Variants in PTPRD observed in about 807,000 individuals in gnomAD.
PTPRD encodes protein tyrosine phosphatase receptor type D, also known as receptor-type tyrosine-protein phosphatase delta.
Under a neutral mutation model 214.5 loss-of-function variants are expected in PTPRD, and 34 were observed. The observed-to-expected ratio is 0.16, with a 90% confidence interval of 0.12 to 0.21. The LOEUF (loss-of-function observed/expected upper bound fraction) is 0.21. Ranked by LOEUF, PTPRD falls within the 10% of genes least tolerant of loss-of-function variation. PTPRD has a pLI of 1.00. For synonymous variants in PTPRD, 1,128 were observed against 845.7 expected (o/e 1.33, Z -5.79); for missense variants, 2,545 against 2,398.7 (o/e 1.06, Z -1.27).
In PTPRD at chr9:8,359,122, ACAAAAAAAAAAAAAAAC is replaced by A. The variant is rs1229559422; in HGVS notation, c.4661+16797_4661+16813del. On this transcript the variant is annotated intron_variant, in intron 39 of 45. Coordinates refer to ENST00000381196, the MANE Select transcript of PTPRD (RefSeq NM_002839.4). ...GACTCCGTCTCAAAAAAAAAAAAAAACAAAAAAAAAAAAAAACAAAAAAAAATTGAATCAGATTTTAG... is the reference window on the plus strand; with the variant it reads ...GACTCCGTCTCAAAAAAAAAAAAAAAAAAAAAAAATTGAATCAGATTTTAG... Among the ~76,000 whole-genome samples the A allele has an allele frequency of 9.3e-3, 873 of 93,662 alleles. 211 individuals carry two copies. Among genetic ancestry groups the A allele is most frequent in the African/African-American group, 0.05 (826 of 16,590 alleles). 61.4% of individuals were successfully genotyped at this position (93,662 alleles called of 152,430 possible).
chr9:9,981,263 C>T (rs769814432), intron 4 of PTPRD, among the ~76,000 whole-genome samples: 6 of 151,740 alleles, frequency 4.0e-5, no homozygotes, highest in African/African-American at 7.3e-5. Flanking sequence ...GAGTTTCAAA[C>T]GCAGTTTTAA....
chr9:9,130,616 C>G (rs569594439), intron 10 of PTPRD, among the ~76,000 whole-genome samples: 1 of 152,274 alleles, frequency 6.6e-6, no homozygotes, highest in East Asian at 1.9e-4. Flanking sequence ...CTTATTGAGA[C>G]TTACCTCAAA....
intron 3 of PTPRD, among the ~76,000 whole-genome samples, chr9:10,337,625 T>G (rs1460013412): frequency 6.6e-6 from 1 of 151,788 alleles, no homozygotes; most frequent in Non-Finnish European, 1.5e-5. Flanking sequence ...TTATATGTAA[T>G]TAAAACAATG....
intron 3 of PTPRD, among the ~76,000 whole-genome samples, chr9:10,226,833 C>T (rs537775825): frequency 3.0e-4 from 46 of 152,072 alleles, no homozygotes; most frequent in African/African-American, 9.2e-4. Flanking sequence ...TTTTCCACTA[C>T]GTCTAATTGC....
chr9:9,721,715 C>G, intron 7 of PTPRD, among the ~76,000 whole-genome samples: 1 of 152,014 alleles, frequency 6.6e-6, no homozygotes, highest in Non-Finnish European at 1.5e-5. Flanking sequence ...GAGATAGACC[C>G]TGAGGTCACA....
chr9:9,739,799 A>T (rs1351659350), intron 6 of PTPRD, among the ~76,000 whole-genome samples: 2 of 151,168 alleles, frequency 1.3e-5, no homozygotes, highest in East Asian at 4.0e-4. Flanking sequence ...TACTTATATT[A>T]TTTTTCTGCC....
At chr9:9,853,140 A>G (rs2060863635) in intron 5 of PTPRD, among the ~76,000 whole-genome samples, 1 of 152,198 alleles carries the variant, frequency 6.6e-6, no homozygotes. Flanking sequence ...GGAGTGCTAA[A>G]TATTTTCTGT....
At chr9:9,119,322 C>G (rs1465558475) in intron 10 of PTPRD, among the ~76,000 whole-genome samples, 3 of 152,048 alleles carry the variant, frequency 2.0e-5, no homozygotes, top group Admixed American at 1.3e-4. Context: ...AAAAATGAGC[C>G]TTCCTTCCAA....
intron 7 of PTPRD, among the ~76,000 whole-genome samples, chr9:9,688,866 T>G (rs2097212242): frequency 6.6e-6 from 1 of 151,022 alleles, no homozygotes; most frequent in African/African-American, 2.4e-5. Context: ...GGGGTACTTG[T>G]TTTTTTTTAA....
intron 3 of PTPRD, among the ~76,000 whole-genome samples, chr9:10,162,090 G>C (rs1307254451): frequency 6.6e-6 from 1 of 151,552 alleles, no homozygotes; most frequent in Non-Finnish European, 1.5e-5. Context: ...CACACTATTG[G>C]TGCAGGTACA....
intron 2 of PTPRD, among the ~76,000 whole-genome samples, chr9:10,358,221 AAC>A (rs2097312573): frequency 6.6e-6 from 1 of 152,104 alleles, no homozygotes; most frequent in Admixed American, 6.5e-5. Context: ...ATAATGAATT[AAC>A]AGTGTTTTGT....
At chr9:10,265,068 T>A (rs1360530660) in intron 3 of PTPRD, among the ~76,000 whole-genome samples, 3 of 152,188 alleles carry the variant, frequency 2.0e-5, no homozygotes, top group Non-Finnish European at 4.4e-5. Context: ...CCATGAGGCC[T>A]ATTTTTCTTT....
intron 10 of PTPRD, among the ~76,000 whole-genome samples, chr9:9,088,680 T>C (rs1194689435): frequency 6.8e-6 from 1 of 146,744 alleles, no homozygotes; most frequent in East Asian, 2.1e-4. Context: ...GAGTACTCCA[T>C]ATTAGCCCTG....
intron 7 of PTPRD, among the ~76,000 whole-genome samples, chr9:9,649,186 C>G (rs1295488119): frequency 6.6e-6 from 1 of 152,158 alleles, no homozygotes; most frequent in Admixed American, 6.6e-5. Flanking sequence ...GGAGGCTCCT[C>G]ATTTCATACA....
intron 4 of PTPRD, among the ~76,000 whole-genome samples, chr9:9,950,363 G>T (rs2093327709): frequency 1.3e-5 from 2 of 152,154 alleles, no homozygotes; most frequent in Non-Finnish European, 2.9e-5. Context: ...AGGGAAGCTG[G>T]TGGAGAAATT....
chr9:8,356,521 C>G (rs4742486), intron 39 of PTPRD, among the ~76,000 whole-genome samples: 8 of 152,114 alleles, frequency 5.3e-5, no homozygotes, highest in African/African-American at 1.9e-4. Context: ...TTCTTTCAGT[C>G]TGGGAACATT....
chr9:8,472,126 T>G (rs1280950079), intron 30 of PTPRD, among the ~76,000 whole-genome samples: 1 of 152,096 alleles, frequency 6.6e-6, no homozygotes, highest in East Asian at 1.9e-4. Flanking sequence ...AATTGCCAAA[T>G]TAAAACAGAT....
chr9:8,959,890 A>G (rs1011020500), intron 11 of PTPRD, among the ~76,000 whole-genome samples: 46 of 152,098 alleles, frequency 3.0e-4, no homozygotes, highest in Non-Finnish European at 3.7e-4. Flanking sequence ...GAGCTTGGGC[A>G]TGAAAATGTT....
intron 3 of PTPRD, among the ~76,000 whole-genome samples, chr9:10,209,223 G>A (rs1447265326): frequency 6.6e-6 from 1 of 152,054 alleles, no homozygotes; most frequent in Non-Finnish European, 1.5e-5. Flanking sequence ...CAAGGATTTG[G>A]AAAGAAGTAA....
Sources: gnomAD v4.1 joint callset for allele counts (sites outside exome capture counted in the v4.1 genomes callset) on GRCh38, gnomAD v4.1.1 for gene constraint, MANE v1.5 for transcripts, NCBI Gene and HGNC (gene_info 2026-07-23, HGNC 2026-07-21) for gene names.